Variants in TRPM5 observed in about 807,000 individuals in gnomAD.
TRPM5 encodes transient receptor potential cation channel subfamily M member 5.
In TRPM5, 121 loss-of-function variants were observed where a neutral mutation model predicts 124.9. That is an observed-to-expected ratio of 0.97 (90% CI 0.84 to 1.13). The LOEUF (loss-of-function observed/expected upper bound fraction) is 1.13, where lower values mean the gene tolerates loss of function less well. Ranked by LOEUF, TRPM5 falls within the 50% of genes most tolerant of loss-of-function variation. TRPM5 has a pLI of 0.00. For missense variants in TRPM5, 1,643 were observed against 1,589.1 expected (o/e 1.03, Z -0.58); for synonymous variants, 781 against 700.5 (o/e 1.11, Z -1.81).
At chr11:2,412,944 G>A (rs1326013678) in exon 15 of TRPM5, 1 of 1,604,914 alleles carries the variant, frequency 6.2e-7, no homozygotes, top group African/African-American at 1.3e-5. Context: ...CCGCCAGCGT[G>A]TGAGCAGGAA....
intron 14 of TRPM5, 23 bp downstream of exon 19, chr11:2,413,111 C>T (rs747543790): frequency 1.3e-6 from 2 of 1,551,388 alleles, no homozygotes; most frequent in Non-Finnish European, 1.7e-6. Flanking sequence ...CCCCTCCACC[C>T]TGCCTGGCCC....
At chr11:2,427,304 G>A (rs1254496888), upstream of TRPM5, among the ~76,000 whole-genome samples, 5 of 152,222 alleles carry the variant, frequency 3.3e-5, no homozygotes, top group Non-Finnish European at 5.9e-5. Context: ...GGCTGTCAGC[G>A]GTGTGAGGGT....
chr11:2,433,485 A>G, the TRPM5 span, among the ~76,000 whole-genome samples: 3 of 152,346 alleles, frequency 2.0e-5, no homozygotes, highest in Non-Finnish European at 4.4e-5. Context: ...TGCACTGTCC[A>G]TGAGGGCATG....
the TRPM5 span, among the ~76,000 whole-genome samples, chr11:2,442,050 A>G: frequency 6.6e-6 from 1 of 152,224 alleles, no homozygotes; most frequent in East Asian, 1.9e-4. This position sits in a 1 kb window ranked among gnomAD's most constrained non-coding sequence, Gnocchi z 5.9. Context: ...ACTCGTTTTC[A>G]GAATAATGAG....
intron 13 of TRPM5, 68 bp downstream of exon 18, chr11:2,413,408 C>A: frequency 6.9e-7 from 1 of 1,458,786 alleles, no homozygotes; most frequent in South Asian, 1.3e-5. Context: ...GAGGCCCAGG[C>A]CCTCCCCGTA....
chr11:2,418,242 C>T (rs1845713920), exon 6 of TRPM5: 1 of 1,586,108 alleles, frequency 6.3e-7, no homozygotes, highest in African/African-American at 1.3e-5. Context: ...GCTTCTCGGC[C>T]ACCTTGGGCA....
At chr11:2,420,620 G>T (rs1027032726) in intron 3 of TRPM5, among the ~76,000 whole-genome samples, 4 of 152,248 alleles carry the variant, frequency 2.6e-5, no homozygotes, top group Admixed American at 6.5e-5. Flanking sequence ...AGGGGCGGTG[G>T]GGAGCGGGTT....
exon 18 of TRPM5, chr11:2,411,428 C>T (rs748130597): frequency 1.6e-5 from 26 of 1,612,342 alleles, no homozygotes; most frequent in Non-Finnish European, 2.2e-5. Context: ...AGATCCACTC[C>T]AGGCGGCCGT....
chr11:2,418,330 G>A lies in TRPM5; in HGVS notation c.743C>T (p.Ala248Val), dbSNP rs867171469. The stretch of plus-strand genomic sequence containing the variant: ...CGAGCCTACCAGGATCAGCCACGGG[G>A]CAGCCTGCTCCACGGCCCTGGAGAT... Residue 248 changes from alanine to valine, a missense_variant, in exon 6 of 24, where the codon GCC (alanine) becomes GTC (valine). By Grantham distance (64) the Ala-to-Val change is moderately conservative. Coordinates refer to ENST00000155858, the Ensembl canonical transcript of TRPM5. 6 of 1,563,770 alleles carry A rather than the reference G, an allele frequency of 3.8e-6. No homozygotes were observed. The East Asian group carries it at 1.2e-4, about 31-fold the overall frequency.
At chr11:2,407,288 C>A in exon 20 of TRPM5, 1 of 1,610,346 alleles carries the variant, frequency 6.2e-7, no homozygotes, top group African/African-American at 1.3e-5. Context: ...CCTGCACCAC[C>A]TGGAACGTGT....
chr11:2,410,725 T>G (rs1156285903), intron 18 of TRPM5: 1 of 454,892 alleles, frequency 2.2e-6, no homozygotes, highest in Non-Finnish European at 4.4e-6. Flanking sequence ...CCCAGCCAGC[T>G]ACAGGGGTCG....
chr11:2,420,898 G>T (rs923811766), intron 3 of TRPM5, 134 bp downstream of exon 8: 3 of 1,060,946 alleles, frequency 2.8e-6, no homozygotes, highest in Non-Finnish European at 2.6e-6. Context: ...CCGGCCGTGT[G>T]CTGGCTCTGC....
At chr11:2,406,973 G>A (rs1268379330) in intron 20 of TRPM5, 146 bp downstream of exon 25, 9 of 1,304,394 alleles carry the variant, frequency 6.9e-6, no homozygotes, top group Non-Finnish European at 9.2e-6. Context: ...GGGCTCAGCT[G>A]TGCCAGCCTG....
chr11:2,407,637 T>G (rs1266853608), intron 19 of TRPM5, 122 bp downstream of exon 24: 2 of 1,320,702 alleles, frequency 1.5e-6, no homozygotes, highest in East Asian at 4.7e-5. Flanking sequence ...CTATCTGCCC[T>G]GAGGCACCAA....
intron 15 of TRPM5, 66 bp downstream of exon 20, chr11:2,412,688 C>A: frequency 6.7e-7 from 1 of 1,484,758 alleles, no homozygotes; most frequent in Non-Finnish European, 9.0e-7. Context: ...GAGGGCAGGA[C>A]CCAGCTTAGG....
the TRPM5 span, among the ~76,000 whole-genome samples, chr11:2,440,838 A>T: frequency 6.6e-6 from 1 of 152,238 alleles, no homozygotes; most frequent in Admixed American, 6.5e-5. The surrounding 1 kb of genome is among the most constrained non-coding windows in gnomAD (Gnocchi z 5.2). Flanking sequence ...TGGCTGTTCT[A>T]GCAGCCCAGC....
upstream of TRPM5, among the ~76,000 whole-genome samples, chr11:2,427,498 A>G (rs115916729): frequency 0.012 from 1,886 of 152,304 alleles, 37 homozygotes; most frequent in South Asian, 0.039. Flanking sequence ...GGAGCTGGCC[A>G]TGAACCAACA....
upstream of TRPM5, among the ~76,000 whole-genome samples, chr11:2,427,594 C>T (rs987545758): frequency 6.6e-5 from 10 of 152,270 alleles, no homozygotes; most frequent in African/African-American, 2.2e-4. Context: ...GCTGGCCGTC[C>T]TCAGGTGTGA....
chr11:2,418,678 G>C (rs886279), intron 4 of TRPM5, 87 bp from the exon 10 acceptor site: 1 of 1,380,236 alleles, frequency 7.2e-7, no homozygotes, highest in East Asian at 2.5e-5. Flanking sequence ...CACATTTTCT[G>C]GCCAAAAGCT....
Sources: allele counts gnomAD v4.1 joint callset (sites outside exome capture counted in the v4.1 genomes callset), GRCh38; gene constraint gnomAD v4.1.1; non-coding constraint Gnocchi (gnomAD v3.1); transcripts MANE v1.5; gene names NCBI Gene and HGNC (gene_info 2026-07-23, HGNC 2026-07-21).